The following MYO1E variants were observed in gnomAD, a reference collection of about 807,000 sequenced individuals.
MYO1E encodes the protein unconventional myosin-Ie.
In MYO1E, 68 loss-of-function variants were observed where a neutral mutation model predicts 151.1. The observed-to-expected ratio is 0.45, with a 90% CI of 0.37 to 0.55. The LOEUF (loss-of-function observed/expected upper bound fraction) is 0.55. Ranked by LOEUF, MYO1E falls within the 20% of genes least tolerant of loss-of-function variation. The pLI is 0.00. For synonymous variants in MYO1E, 601 were observed against 501.7 expected (o/e 1.20, Z -2.64); for missense variants, 1,363 against 1,389.3 (o/e 0.98, Z 0.30).
At chr15:59,193,910 C>A (rs1164066507) in intron 17 of MYO1E, among the ~76,000 whole-genome samples, 1 of 152,150 alleles carries the variant, frequency 6.6e-6, no homozygotes, top group African/African-American at 2.4e-5. Flanking sequence ...GGGGTGGTGG[C>A]TCACACCTGT....
intron 3 of MYO1E, 65 bp from the exon 4 acceptor site, chr15:59,256,443 T>C (rs2080194511): frequency 1.0e-6 from 1 of 973,278 alleles, no homozygotes; most frequent in Non-Finnish European, 1.5e-6. Flanking sequence ...AACAAAATCA[T>C]GGTCAGATAG....
At chr15:59,209,087 C>A (rs1333508785) in intron 13 of MYO1E, 9 of 580,932 alleles carry the variant, frequency 1.5e-5, no homozygotes, top group Non-Finnish European at 2.5e-5. Flanking sequence ...GAAGTTTTAT[C>A]CAAGAGTCAT....
intron 22 of MYO1E, among the ~76,000 whole-genome samples, chr15:59,166,834 C>T (rs867644183): frequency 6.6e-6 from 1 of 152,194 alleles, no homozygotes; most frequent in South Asian, 2.1e-4. Context: ...ACCTGACCCG[C>T]AGATGCAAAG....
chr15:59,158,228 T>C, intron 25 of MYO1E, 59 bp downstream of exon 25: 7 of 1,387,888 alleles, frequency 5.0e-6, no homozygotes, highest in Non-Finnish European at 7.0e-6. Flanking sequence ...CCCAAACATA[T>C]TTTATAAGTT....
At chr15:59,196,985 A>AATTTT (rs1566976061) in intron 16 of MYO1E, among the ~76,000 whole-genome samples, 26 of 34,292 alleles carry the variant, frequency 7.6e-4, no homozygotes, top group African/African-American at 1.5e-3. Context: ...TTTAATTACG[A>AATTTT]CTTTTTTTTT....
At chr15:59,221,766 A>G (rs1210116155) in intron 9 of MYO1E, among the ~76,000 whole-genome samples, 1 of 152,178 alleles carries the variant, frequency 6.6e-6, no homozygotes, top group Non-Finnish European at 1.5e-5. Context: ...TTCTTGTTTC[A>G]AACATCTAGG....
chr15:59,211,328 C>G (rs1395932041), intron 12 of MYO1E, among the ~76,000 whole-genome samples: 1 of 152,052 alleles, frequency 6.6e-6, no homozygotes, highest in African/African-American at 2.4e-5. Context: ...TGGTTTTTTC[C>G]TCTTTCCTCA....
At chr15:59,246,149 G>T (rs1178411970) in intron 4 of MYO1E, among the ~76,000 whole-genome samples, 1 of 151,822 alleles carries the variant, frequency 6.6e-6, no homozygotes, top group Admixed American at 6.6e-5. Flanking sequence ...ATAGAGTCTT[G>T]CTCTGTCATC....
At chr15:59,256,720 T>C (rs1013950750) in intron 3 of MYO1E, among the ~76,000 whole-genome samples, 1 of 152,136 alleles carries the variant, frequency 6.6e-6, no homozygotes, top group East Asian at 1.9e-4. Flanking sequence ...CAGGTGACAG[T>C]CCATTTCTAA....
At chr15:59,137,528 C>T (rs989069311) in intron 27 of MYO1E, 72 bp from the exon 28 acceptor site, 1 of 1,207,582 alleles carries the variant, frequency 8.3e-7, no homozygotes, top group African/African-American at 1.5e-5. Context: ...ACACTCCGCT[C>T]CCATGGGCTC....
At chr15:59,255,871 G>T (rs189934623) in intron 4 of MYO1E, among the ~76,000 whole-genome samples, 1 of 152,308 alleles carries the variant, frequency 6.6e-6, no homozygotes, top group East Asian at 1.9e-4. Flanking sequence ...AGACTAGAGG[G>T]ATTATGAAAT....
chr15:59,198,097 C>T (rs2079778959), intron 16 of MYO1E, among the ~76,000 whole-genome samples: 1 of 152,176 alleles, frequency 6.6e-6, no homozygotes, highest in African/African-American at 2.4e-5. Context: ...CAATCCTGGC[C>T]TCAAGCAATC....
chr15:59,151,982 C>G (rs564727576), intron 26 of MYO1E, among the ~76,000 whole-genome samples: 1 of 151,862 alleles, frequency 6.6e-6, no homozygotes, highest in Non-Finnish European at 1.5e-5. Flanking sequence ...GCAGGGGAAT[C>G]GCTTGAACCC....
At position 59,132,927 on chromosome 15, in the gene MYO1E, G is replaced by A. The variant is rs549520271; in HGVS notation, c.*4453C>T. On this transcript the variant is annotated 3_prime_UTR_variant, in exon 28 of 28. Coordinates refer to ENST00000288235, the MANE Select transcript of MYO1E (RefSeq NM_004998.4). ...GATGGAGCTCCTGCCCATTAAAGGA[G>A]CTTACAAGTTTCTAGCTGTTGAGTT... is the stretch of plus-strand genomic sequence containing the variant. The A allele has an allele frequency of 6.6e-6, 1 of 152,310 alleles. No homozygotes were observed. The highest frequency in any genetic ancestry group is 2.1e-4 in the South Asian group (1 of 4,832). 9.4% of individuals were successfully genotyped at this position (152,310 alleles called of 1,614,324 possible). A position where few individuals can be genotyped will look rare whatever the true frequency, so the allele number is the denominator to read the frequency against.
intron 16 of MYO1E, among the ~76,000 whole-genome samples, chr15:59,196,939 A>G (rs1596360630): frequency 2.3e-5 from 3 of 132,114 alleles, no homozygotes; most frequent in South Asian, 2.4e-4. Flanking sequence ...CAAATTCTTA[A>G]TTTTTTAAAC....
At chr15:59,253,849 G>T (rs1171227234) in intron 4 of MYO1E, among the ~76,000 whole-genome samples, 1 of 150,712 alleles carries the variant, frequency 6.6e-6, no homozygotes, top group Non-Finnish European at 1.5e-5. Flanking sequence ...AACATCATAG[G>T]ATACAATTAG....
intron 26 of MYO1E, among the ~76,000 whole-genome samples, chr15:59,147,297 T>A (rs2079446943): frequency 6.6e-6 from 1 of 152,150 alleles, no homozygotes; most frequent in Non-Finnish European, 1.5e-5. Context: ...CTCAGATGTT[T>A]AGTTAGAAAG....
chr15:59,261,976 G>C (rs1050985701), intron 2 of MYO1E, among the ~76,000 whole-genome samples: 15 of 152,036 alleles, frequency 9.9e-5, no homozygotes, highest in Non-Finnish European at 1.3e-4. Flanking sequence ...CTGAGGTGGG[G>C]AGATCATTTG....
At chr15:59,344,235 A>T (rs111724591) in intron 1 of MYO1E, among the ~76,000 whole-genome samples, 2,273 of 152,220 alleles carry the variant, frequency 0.015, 46 homozygotes, top group African/African-American at 0.049. Flanking sequence ...ATTATGGGGT[A>T]CCCCAAGCCC....
Sources: gnomAD v4.1 joint callset for allele counts (sites outside exome capture counted in the v4.1 genomes callset) on GRCh38, gnomAD v4.1.1 for gene constraint, MANE v1.5 for transcripts, NCBI Gene and HGNC (gene_info 2026-07-23, HGNC 2026-07-21) for gene names.